CAMTA1: variants seen among roughly 807,000 people sequenced by gnomAD.
CAMTA1 encodes the protein calmodulin binding transcription activator 1.
A neutral mutation model predicts 170.9 loss-of-function variants in CAMTA1; 27 were observed. The ratio of observed to expected loss-of-function variants is 0.16; its 90% confidence interval spans 0.12 to 0.22. The LOEUF is 0.22. Among genes scored for constraint, CAMTA1 ranks in the 10% least tolerant of loss-of-function variants. The pLI is 1.00. For missense variants in CAMTA1, 1,619 were observed against 2,217.2 expected (o/e 0.73, Z 5.42); for synonymous variants, 833 against 891.5 (o/e 0.93, Z 1.17).
intron 1 of CAMTA1, among the ~76,000 whole-genome samples, chr1:6,802,656 G>A (rs1402068630): frequency 2.6e-5 from 4 of 152,318 alleles, no homozygotes; most frequent in Admixed American, 2.6e-4. Flanking sequence ...AGTGTCCTTG[G>A]TCAGCCAGCC....
intron 11 of CAMTA1, among the ~76,000 whole-genome samples, chr1:7,707,491 T>TCAGTCTCCTGGGTAGCTGGGAC (rs2096535783): frequency 6.6e-6 from 1 of 152,096 alleles, no homozygotes; most frequent in African/African-American, 2.4e-5. Flanking sequence ...TCCTCCCACC[T>TCAGTCTCCTGGGTAGCTGGGAC]CAGTCTCCTG....
At chr1:7,449,825 A>G (rs1032433782) in intron 5 of CAMTA1, among the ~76,000 whole-genome samples, 1 of 151,354 alleles carries the variant, frequency 6.6e-6, no homozygotes, top group Non-Finnish European at 1.5e-5. Flanking sequence ...ACTGGGGCCC[A>G]GTACTCAGTG....
At chr1:7,544,090 T>A (rs1013278569) in intron 6 of CAMTA1, among the ~76,000 whole-genome samples, 74 of 152,286 alleles carry the variant, frequency 4.9e-4, no homozygotes, top group African/African-American at 1.7e-3. Flanking sequence ...ATGCTGCTGA[T>A]AAAGACATAC....
chr1:7,699,883 T>G (rs2096419660), intron 11 of CAMTA1, among the ~76,000 whole-genome samples: 1 of 152,244 alleles, frequency 6.6e-6, no homozygotes, highest in Non-Finnish European at 1.5e-5. Flanking sequence ...TTCTTTGCTT[T>G]TTATTTTTGA....
chr1:7,112,973 C>A (rs1480670727), intron 4 of CAMTA1, among the ~76,000 whole-genome samples: 1 of 152,242 alleles, frequency 6.6e-6, no homozygotes, highest in East Asian at 1.9e-4. Context: ...CTGCTTCCTT[C>A]ACCCCATTGG....
chr1:6,903,939 TC>T (rs1290365797), intron 3 of CAMTA1, among the ~76,000 whole-genome samples: 2 of 152,342 alleles, frequency 1.3e-5, no homozygotes, highest in East Asian at 3.9e-4. Context: ...GGGCAAGACT[TC>T]TATCATTACC....
chr1:7,508,250 C>G (rs142704813), intron 6 of CAMTA1, among the ~76,000 whole-genome samples: 2 of 152,166 alleles, frequency 1.3e-5, no homozygotes, highest in Non-Finnish European at 2.9e-5. Context: ...CCTCCACAGA[C>G]CCCTGTCACA....
At chr1:6,894,325 T>A (rs1326097473) in intron 3 of CAMTA1, among the ~76,000 whole-genome samples, 6 of 152,182 alleles carry the variant, frequency 3.9e-5, no homozygotes, top group Middle Eastern at 3.2e-3. Flanking sequence ...AAAAATAGCA[T>A]GGAATAAAAT....
At chr1:7,436,305 G>T (rs1298203201) in intron 5 of CAMTA1, among the ~76,000 whole-genome samples, 3 of 152,164 alleles carry the variant, frequency 2.0e-5, no homozygotes, top group Non-Finnish European at 4.4e-5. Flanking sequence ...CCTGGCTTCC[G>T]GGCTGGTTCC....
At chr1:7,196,665 A>G (rs1655586649) in intron 4 of CAMTA1, among the ~76,000 whole-genome samples, 1 of 152,200 alleles carries the variant, frequency 6.6e-6, no homozygotes, top group African/African-American at 2.4e-5. Context: ...ATGAGGGCAA[A>G]AGAAATTGCT....
At chr1:7,088,380 C>T (rs1162507364) in intron 3 of CAMTA1, among the ~76,000 whole-genome samples, 1 of 152,116 alleles carries the variant, frequency 6.6e-6, no homozygotes. Flanking sequence ...CTAAGTTTGG[C>T]CACAGAGGTG....
chr1:7,229,523 GT>G (rs1662316094), intron 4 of CAMTA1, among the ~76,000 whole-genome samples: 1 of 82,148 alleles, frequency 1.2e-5, no homozygotes, highest in Non-Finnish European at 2.5e-5. Flanking sequence ...AGGTGGGGGG[GT>G]GAGGAGGGGA....
intron 1 of CAMTA1, among the ~76,000 whole-genome samples, chr1:6,801,483 G>A (rs1302216052): frequency 6.6e-6 from 1 of 152,030 alleles, no homozygotes; most frequent in East Asian, 1.9e-4. Flanking sequence ...GAGGCTCCTG[G>A]CCCTTGTCAT....
intron 6 of CAMTA1, among the ~76,000 whole-genome samples, chr1:7,518,728 C>CA (rs2094321409): frequency 6.6e-6 from 1 of 151,986 alleles, no homozygotes. Context: ...GAAGGTGCCC[C>CA]TCACTCACTG....
At chr1:6,878,637 C>T (rs1028275033) in intron 3 of CAMTA1, among the ~76,000 whole-genome samples, 1 of 152,218 alleles carries the variant, frequency 6.6e-6, no homozygotes, top group Non-Finnish European at 1.5e-5. Flanking sequence ...GACGACTTCT[C>T]TCATATCTTA....
chr1:7,656,829 A>G (rs1408743135), intron 7 of CAMTA1, among the ~76,000 whole-genome samples: 1 of 152,234 alleles, frequency 6.6e-6, no homozygotes, highest in Admixed American at 6.5e-5. Flanking sequence ...CGCTGTTGTC[A>G]TTGATTTCAT....
intron 3 of CAMTA1, among the ~76,000 whole-genome samples, chr1:6,924,760 C>T (rs573380267): frequency 1.4e-4 from 22 of 152,278 alleles, no homozygotes; most frequent in Middle Eastern, 3.4e-3. Flanking sequence ...TATTGGAAGC[C>T]GGAGTGCCTA....
rs903403129 is a variant in CAMTA1, at chr1:7,463,781, C to T, written c.439-4049C>T. 1.1e-4 allele frequency among the ~76,000 whole-genome samples: 16 copies of T among 152,176 alleles called. No individual in the cohort carries two copies. Among genetic ancestry groups the T allele is most frequent in the Admixed American group, 1.0e-3 (16 of 15,288 alleles). On this transcript the variant is annotated intron_variant, in intron 5 of 22. Coordinates refer to ENST00000303635, the MANE Select transcript of CAMTA1 (RefSeq NM_015215.4). The surrounding 1 kb of genome is among the most constrained non-coding windows in gnomAD (Gnocchi z 4.7). ...TACCAACCTATAAGTGATGTGCTTC[C>T]TTCTTGGGCCACTAAGCCATCACTG...
At chr1:6,797,497 C>A (rs368306983) in intron 1 of CAMTA1, among the ~76,000 whole-genome samples, 17 of 151,872 alleles carry the variant, frequency 1.1e-4, no homozygotes, top group African/African-American at 2.4e-4. Flanking sequence ...GCAATTCTCC[C>A]ACCTCAGCCT....
Sources: gnomAD v4.1 joint callset for allele counts (sites outside exome capture counted in the v4.1 genomes callset) on GRCh38, gnomAD v4.1.1 for gene constraint, Gnocchi (gnomAD v3.1) non-coding constraint, MANE v1.5 for transcripts, NCBI Gene and HGNC (gene_info 2026-07-23, HGNC 2026-07-21) for gene names.